The following DPYSL2 variants were observed in gnomAD, a reference collection of about 807,000 sequenced individuals.
The protein encoded by DPYSL2 is dihydropyrimidinase like 2.
DPYSL2 carries 13 observed loss-of-function variants against 69.9 expected under a neutral mutation model. That is an observed-to-expected ratio of 0.19 (90% CI 0.12 to 0.30). The LOEUF is 0.30. Ranked by LOEUF, DPYSL2 falls within the 10% of genes least tolerant of loss-of-function variation. The pLI is 1.00. For missense variants in DPYSL2, 587 were observed against 918.9 expected (o/e 0.64, Z 4.67); for synonymous variants, 326 against 359.1 (o/e 0.91, Z 1.04).
At chr8:26,515,817 G>A (rs1288442814) in intron 1 of DPYSL2, among the ~76,000 whole-genome samples, 2 of 152,226 alleles carry the variant, frequency 1.3e-5, no homozygotes, top group Non-Finnish European at 2.9e-5. Flanking sequence ...CCTATTGTGC[G>A]CCTTGCCTTG....
chr8:26,613,419 G>A (rs903169498), intron 3 of DPYSL2, among the ~76,000 whole-genome samples: 4 of 152,246 alleles, frequency 2.6e-5, no homozygotes, highest in Admixed American at 6.5e-5. Context: ...GGCTGCAGGT[G>A]TGGGCAGCTC....
chr8:26,635,599 C>T (rs1018709063), intron 8 of DPYSL2, among the ~76,000 whole-genome samples: 5 of 152,150 alleles, frequency 3.3e-5, no homozygotes, highest in African/African-American at 1.2e-4. Context: ...GTTCTCTCCT[C>T]GTACAGAAAG....
chr8:26,605,930 C>A lies in DPYSL2; in HGVS notation c.629-18213C>A, dbSNP rs1281915120. On this transcript the variant is annotated intron_variant, in intron 3 of 13. Transcript: ENST00000521913. The surrounding 1 kb of genome is among the most constrained non-coding windows in gnomAD (Gnocchi z 4.1). Reference sequence around the variant, plus strand: ...GGTGGTTGAGTTTTTGTTTTGTTTTCCATTTGACCAAATGATTCTTAAGTA... The same window carrying A: ...GGTGGTTGAGTTTTTGTTTTGTTTTACATTTGACCAAATGATTCTTAAGTA... Among the ~76,000 whole-genome samples, 1 of 152,024 alleles carries A rather than the reference C, an allele frequency of 6.6e-6. No individual in the cohort carries two copies. The highest frequency in any genetic ancestry group is 1.5e-5 in the Non-Finnish European group (1 of 67,992).
In DPYSL2 at chr8:26,631,081, C is replaced by T. The variant is rs1802760433; in HGVS notation, c.1005+3141C>T. Among the ~76,000 whole-genome samples, 2 of 152,220 alleles carry T rather than the reference C, an allele frequency of 1.3e-5. 1 individual carries two copies. Among genetic ancestry groups the T allele is most frequent in the Admixed American group, 1.3e-4 (2 of 15,278 alleles). Reference sequence around the variant, plus strand: ...TGAGGGGCTTGCATTCCTTCTTTCTCCTGCTTTCTGCAGAGAAGTACACAA... The same window carrying T: ...TGAGGGGCTTGCATTCCTTCTTTCTTCTGCTTTCTGCAGAGAAGTACACAA... On this transcript the variant is annotated intron_variant, in intron 7 of 13. Coordinates refer to ENST00000521913, the MANE Select transcript of DPYSL2 (RefSeq NM_001197293.3).
intron 7 of DPYSL2, among the ~76,000 whole-genome samples, chr8:26,629,426 A>G (rs1288520419): frequency 1.3e-5 from 2 of 152,236 alleles, no homozygotes; most frequent in Non-Finnish European, 2.9e-5. Flanking sequence ...AGACACTTTC[A>G]GTAGCATTTG....
chr8:26,654,270 C>T lies in DPYSL2; in HGVS notation c.1942+873C>T, dbSNP rs1803337126. Among the ~76,000 whole-genome samples the T allele has an allele frequency of 5.3e-5, 8 of 152,244 alleles. No individual in the cohort carries two copies. The South Asian group carries it at 1.7e-3, about 32-fold the overall frequency. On this transcript the variant is annotated intron_variant, in intron 13 of 13. Coordinates refer to ENST00000521913, the MANE Select transcript of DPYSL2 (RefSeq NM_001197293.3). This position sits in a 1 kb window ranked among gnomAD's most constrained non-coding sequence, Gnocchi z 5.0. ...TGCTTGGGTAATTTGTGTGATATCC[C>T]CTTGGTGAGAGGAAAGGGTTCAGAT...
intron 3 of DPYSL2, among the ~76,000 whole-genome samples, chr8:26,589,692 C>T (rs1052092631): frequency 8.5e-5 from 13 of 152,218 alleles, no homozygotes; most frequent in Admixed American, 1.3e-4. Context: ...AAGAGGAAGC[C>T]GAGAGCCCAG....
At chr8:26,629,207 G>T (rs1381848889) in intron 7 of DPYSL2, among the ~76,000 whole-genome samples, 1 of 151,636 alleles carries the variant, frequency 6.6e-6, no homozygotes. Flanking sequence ...ATAGGCACAC[G>T]CAGACAGGTA....
At chr8:26,625,607 G>A (rs940676946) in intron 4 of DPYSL2, among the ~76,000 whole-genome samples, 5 of 152,162 alleles carry the variant, frequency 3.3e-5, no homozygotes, top group African/African-American at 1.2e-4. Context: ...ACTCCAAGAC[G>A]CCAGGATGAG....
In DPYSL2 at chr8:26,593,563, G is replaced by A. The variant is rs781605673; in HGVS notation, c.628+9580G>A. 2.6e-5 allele frequency among the ~76,000 whole-genome samples: 4 copies of A among 152,230 alleles called. No homozygotes were observed. The highest frequency in any genetic ancestry group is 6.5e-5 in the Admixed American group (1 of 15,288). On this transcript the variant is annotated intron_variant, in intron 3 of 13. Coordinates refer to ENST00000521913, the MANE Select transcript of DPYSL2 (RefSeq NM_001197293.3). The surrounding 1 kb of genome is among the most constrained non-coding windows in gnomAD (Gnocchi z 5.7). ...GGAGTCTACAGCCAGATGCTCCCCA[G>A]AAGCTTAACCATGGAGGGGCTGAGC...
At position 26,617,713 on chromosome 8, in the gene DPYSL2, A is replaced by T. The variant is rs1324750322; in HGVS notation, c.629-6430A>T. Among the ~76,000 whole-genome samples, 3 of 152,214 alleles carry T rather than the reference A, an allele frequency of 2.0e-5. No individual in the cohort carries two copies. Among genetic ancestry groups the T allele is most frequent in the African/African-American group, 7.2e-5 (3 of 41,446 alleles). The stretch of plus-strand genomic sequence containing the variant: ...GCTGCAGCATGGATGAACCTTGACG[A>T]CATGATGCCAAGTGAAAGCAGACAG... On this transcript the variant is annotated intron_variant, in intron 3 of 13. Transcript: ENST00000521913. This position sits in a 1 kb window ranked among gnomAD's most constrained non-coding sequence, Gnocchi z 4.7.
intron 1 of DPYSL2, among the ~76,000 whole-genome samples, chr8:26,554,552 T>C (rs1800914808): frequency 6.6e-6 from 1 of 152,218 alleles, no homozygotes; most frequent in Non-Finnish European, 1.5e-5. Flanking sequence ...TTGCTTTTGT[T>C]GTGTTTGCTT....
chr8:26,633,964 C>T (rs1311856682), intron 7 of DPYSL2, among the ~76,000 whole-genome samples: 1 of 152,248 alleles, frequency 6.6e-6, no homozygotes, highest in Non-Finnish European at 1.5e-5. Context: ...ATGCTGACTT[C>T]ATTCATGAGC....
chr8:26,559,940 A>T (rs1190326393), intron 1 of DPYSL2, among the ~76,000 whole-genome samples: 1 of 152,164 alleles, frequency 6.6e-6, no homozygotes, highest in African/African-American at 2.4e-5. Context: ...CCCACTGCTC[A>T]TTCCTAAACT....
At chr8:26,567,851 C>A (rs1259214585) in intron 1 of DPYSL2, among the ~76,000 whole-genome samples, 1 of 152,234 alleles carries the variant, frequency 6.6e-6, no homozygotes, top group Non-Finnish European at 1.5e-5. Context: ...CCCACTTAGT[C>A]TCTCCAGGCT....
rs1288489925 is a variant in DPYSL2 at position 26,652,143 on chromosome 8, C to T, written c.1597-114C>T. 9.8e-7 allele frequency: 1 copy of T among 1,017,230 alleles called. No individual in the cohort carries two copies. Among genetic ancestry groups the T allele is most frequent in the African/African-American group, 1.6e-5 (1 of 61,136 alleles). The allele number at this position is 1,017,230 out of a possible 1,614,324, so 63.0% of individuals were successfully genotyped here. On this transcript the variant is annotated intron_variant, in intron 11 of 13. Transcript: ENST00000521913. The surrounding 1 kb of genome is among the most constrained non-coding windows in gnomAD (Gnocchi z 6.3). ...CTGGGGTGCCCAGTTGGGACAGGAT[C>T]CCTGTCTCTGAGTCTCTCTTTTGTC... is the stretch of plus-strand genomic sequence containing the variant.
At chr8:26,608,911 G>A (rs141925517) in intron 3 of DPYSL2, among the ~76,000 whole-genome samples, 16 of 152,336 alleles carry the variant, frequency 1.1e-4, no homozygotes, top group Middle Eastern at 3.4e-3. Context: ...TTTATTTGGA[G>A]GGGATGCAAG....
intron 8 of DPYSL2, among the ~76,000 whole-genome samples, chr8:26,637,378 T>C (rs1802945463): frequency 6.6e-6 from 1 of 152,160 alleles, no homozygotes; most frequent in African/African-American, 2.4e-5. Context: ...GGCAGGAATT[T>C]TTATATTTTG....
At chr8:26,524,429 A>T (rs1808441431) in intron 1 of DPYSL2, among the ~76,000 whole-genome samples, 1 of 152,238 alleles carries the variant, frequency 6.6e-6, no homozygotes, top group South Asian at 2.1e-4. Context: ...AAAATCATCC[A>T]TAATCTTACT....
Sources: gnomAD v4.1 joint callset for allele counts (sites outside exome capture counted in the v4.1 genomes callset) on GRCh38, gnomAD v4.1.1 for gene constraint, Gnocchi (gnomAD v3.1) non-coding constraint, MANE v1.5 for transcripts, NCBI Gene and HGNC (gene_info 2026-07-23, HGNC 2026-07-21) for gene names.